The following PHLDB1 variants were observed in gnomAD, a reference collection of about 807,000 sequenced individuals.
The protein encoded by PHLDB1 is pleckstrin homology-like domain family B member 1.
Under a neutral mutation model 139.3 loss-of-function variants are expected in PHLDB1, and 65 were observed. That is an observed-to-expected ratio of 0.47 (90% CI 0.38 to 0.57). The LOEUF is 0.57. Ranked by LOEUF, PHLDB1 falls within the 20% of genes least tolerant of loss-of-function variation. PHLDB1 has a pLI of 0.00. For missense variants in PHLDB1, 1,624 were observed against 1,839.7 expected (o/e 0.88, Z 2.14); for synonymous variants, 679 against 734.5 (o/e 0.92, Z 1.22).
In PHLDB1 at chr11:118,650,116, G is replaced by C. The variant is rs782238476; in HGVS notation, c.3694G>C (p.Asp1232His). 3.7e-6 allele frequency: 6 copies of C among 1,614,226 alleles called. No individual in the cohort carries two copies. Among genetic ancestry groups the C allele is most frequent in the Non-Finnish European group, 4.2e-6 (5 of 1,180,024 alleles). The change falls in exon 19 of 23, where the codon GAC becomes CAC. Residue 1232 changes from aspartate to histidine, a missense_variant. By Grantham distance (81) the Asp-to-His change is moderately conservative (BLOSUM62 -1). Coordinates refer to ENST00000600882, the MANE Select transcript of PHLDB1 (RefSeq NM_001144758.3). This position sits in a 1 kb window ranked among gnomAD's most constrained non-coding sequence, Gnocchi z 4.7. The part of the protein sequence containing the change: ...LTRYLPIRKE[D>H]FDLKTHIESS... ...CCGCTACCTGCCAATCCGGAAGGAGGACTTTGACCTGAAGACACATATTGA... is the reference window on the plus strand; with the variant it reads ...CCGCTACCTGCCAATCCGGAAGGAGCACTTTGACCTGAAGACACATATTGA...
chr11:118,632,042 T>A lies in PHLDB1; in HGVS notation c.2230T>A (p.Ser744Thr), dbSNP rs1191203235. The A allele has an allele frequency of 6.2e-7, 1 of 1,613,412 alleles. No homozygotes were observed. The highest frequency in any genetic ancestry group is 1.3e-5 in the African/African-American group (1 of 74,764). ...VKELEQQLQE[S>T]AREAEMERAL... ...GGAGCTAGAGCAGCAGCTGCAGGAGTCAGCCCGAGAGGTGAGCCGTGAAGT... is the reference window on the plus strand; with the variant it reads ...GGAGCTAGAGCAGCAGCTGCAGGAGACAGCCCGAGAGGTGAGCCGTGAAGT... The change falls in exon 8 of 23, where the codon TCA becomes ACA. Residue 744 changes from serine (S) to threonine (T), a missense_variant. Coordinates refer to ENST00000600882, the MANE Select transcript of PHLDB1 (RefSeq NM_001144758.3). The surrounding 1 kb of genome is among the most constrained non-coding windows in gnomAD (Gnocchi z 5.9).
intron 4 of PHLDB1, among the ~76,000 whole-genome samples, chr11:118,618,532 A>G (rs1470813705): frequency 4.6e-5 from 7 of 151,870 alleles, no homozygotes; most frequent in Non-Finnish European, 8.8e-5. Context: ...TGGGCTTACG[A>G]ATCCTGTGTT....
chr11:118,639,291 G>A (rs377214181), intron 12 of PHLDB1, 40 bp downstream of exon 12: 12 of 1,491,202 alleles, frequency 8.0e-6, no homozygotes, highest in East Asian at 2.3e-5. Flanking sequence ...GGCCCAAGGC[G>A]TGTCCTGGGA....
intron 1 of PHLDB1, among the ~76,000 whole-genome samples, chr11:118,609,153 G>A (rs1939658790): frequency 8.1e-6 from 1 of 123,968 alleles, no homozygotes; most frequent in South Asian, 2.7e-4. Flanking sequence ...ACACAGCCCA[G>A]CTCACACAAG....
rs782681090 is a variant in PHLDB1 at position 118,642,383 on chromosome 11, C to T, written c.2866C>T (p.Arg956Cys). ...SPPPLPAKAS[R>C]QLQVYRSKMD... The stretch of plus-strand genomic sequence containing the variant: ...CCCGCCTCTGCCCGCCAAAGCTTCC[C>T]GTCAGCTGCAGGTAACCCCTCCTTC... The change falls in exon 13 of 23, where the codon CGT becomes TGT. Residue 956 changes from arginine (R) to cysteine (C), a missense_variant. Coordinates refer to ENST00000600882, the MANE Select transcript of PHLDB1 (RefSeq NM_001144758.3). 61 of 1,608,912 alleles carry T rather than the reference C, an allele frequency of 3.8e-5. 1 individual carries two copies. In the Admixed American group the frequency reaches 5.7e-4, roughly 15 times the overall value.
rs200686731 is a variant in PHLDB1 at position 118,628,088 on chromosome 11, G to A, written c.1265G>A (p.Arg422His). The change falls in exon 6 of 23, where the codon CGC (arginine) becomes CAC (histidine). Residue 422 changes from arginine to histidine, a missense_variant. Physicochemically the swap from Arg to His is conservative, Grantham distance 29. Coordinates refer to ENST00000600882, the MANE Select transcript of PHLDB1 (RefSeq NM_001144758.3). ...CGGGTGCTAACAACCAGCCCCTCACGCCAACTGGTGGGCCGAACATTTTCA... is the reference window on the plus strand; with the variant it reads ...CGGGTGCTAACAACCAGCCCCTCACACCAACTGGTGGGCCGAACATTTTCA... Reference protein sequence around the residue: ...SERVLTTSPSRQLVGRTFSDG... With the variant: ...SERVLTTSPSHQLVGRTFSDG... 3.8e-4 allele frequency: 621 copies of A among 1,613,822 alleles called. 2 individuals are homozygous for A. The Middle Eastern group carries it at 6.9e-3, about 18-fold the overall frequency.
In PHLDB1 at chr11:118,631,217, G is replaced by A. The variant is rs782083907; in HGVS notation, c.1838G>A (p.Arg613His). ...GTCCATCCTCCCCAGGAACGCCAGC[G>A]CCTGGAGACCATCCTGAACCTGTGT... The part of the protein sequence containing the change: ...EQEMERLERQ[R>H]LETILNLCAE... Residue 613 changes from arginine to histidine, a missense_variant, in exon 7 of 23, where the codon CGC becomes CAC. Coordinates refer to ENST00000600882, the MANE Select transcript of PHLDB1 (RefSeq NM_001144758.3). The A allele has an allele frequency of 4.2e-6, 6 of 1,423,908 alleles. No homozygotes were observed. The highest frequency in any genetic ancestry group is 2.7e-5 in the East Asian group (1 of 37,004). 88.2% of individuals were successfully genotyped at this position (1,423,908 alleles called of 1,614,324 possible). A position where few individuals can be genotyped will look rare whatever the true frequency, so the allele number is the denominator to read the frequency against.
chr11:118,629,455 G>C (rs182646809), intron 6 of PHLDB1, among the ~76,000 whole-genome samples: 2 of 152,242 alleles, frequency 1.3e-5, no homozygotes, highest in Non-Finnish European at 2.9e-5. Flanking sequence ...TGTGTACACA[G>C]TCGAGCCCAT....
intron 5 of PHLDB1, among the ~76,000 whole-genome samples, chr11:118,625,602 G>T (rs568312797): frequency 2.0e-5 from 3 of 152,204 alleles, no homozygotes; most frequent in Non-Finnish European, 4.4e-5. Flanking sequence ...AGCTGCACAG[G>T]GGGGCAGGAG....
chr11:118,623,750 T>C (rs1235347444), intron 4 of PHLDB1, among the ~76,000 whole-genome samples: 1 of 152,136 alleles, frequency 6.6e-6, no homozygotes, highest in Admixed American at 6.5e-5. Flanking sequence ...CAGTTTTTTT[T>C]TGTGACCCTG....
chr11:118,647,905 G>T (rs781917783), intron 17 of PHLDB1, 25 bp from the exon 18 acceptor site: 6 of 1,553,166 alleles, frequency 3.9e-6, no homozygotes, highest in Non-Finnish European at 5.2e-6. Context: ...GGCCATAGGT[G>T]CTGACCCCTT....
At chr11:118,609,979 C>T (rs564585493) in intron 1 of PHLDB1, among the ~76,000 whole-genome samples, 1 of 152,090 alleles carries the variant, frequency 6.6e-6, no homozygotes, top group Non-Finnish European at 1.5e-5. Context: ...TTTGGGGTCC[C>T]GGTGGGCCCC....
intron 6 of PHLDB1, 123 bp from the exon 7 acceptor site, chr11:118,631,084 G>C: frequency 1.2e-6 from 1 of 854,890 alleles, no homozygotes; most frequent in Non-Finnish European, 1.6e-6. Flanking sequence ...CTCCTGACTT[G>C]ACACTGATGT....
chr11:118,614,978 C>T (rs1191393097), intron 3 of PHLDB1: 6 of 323,954 alleles, frequency 1.9e-5, no homozygotes, highest in African/African-American at 4.3e-5. Context: ...AGGCGGATCA[C>T]GAGGTCAGGA....
At chr11:118,625,602 G>C (rs568312797) in intron 5 of PHLDB1, among the ~76,000 whole-genome samples, 5 of 152,204 alleles carry the variant, frequency 3.3e-5, no homozygotes, top group African/African-American at 1.2e-4. Flanking sequence ...AGCTGCACAG[G>C]GGGGCAGGAG....
chr11:118,644,763 T>A (rs1947192076), intron 15 of PHLDB1: 1 of 1,034,004 alleles, frequency 9.7e-7, no homozygotes, highest in South Asian at 1.4e-5. Flanking sequence ...TGATGTGTCC[T>A]GCCCAGGTCC....
At chr11:118,612,457 C>T (rs1591437951) in intron 1 of PHLDB1, among the ~76,000 whole-genome samples, 1 of 152,292 alleles carries the variant, frequency 6.6e-6, no homozygotes, top group African/African-American at 2.4e-5. Flanking sequence ...AATCTTTGTC[C>T]TTGGAAATTC....
In PHLDB1 at chr11:118,655,546, A is replaced by C. The variant is rs919589965; in HGVS notation, c.3875-59A>C. On this transcript the variant is annotated intron_variant, in intron 20 of 22. Coordinates refer to ENST00000600882, the MANE Select transcript of PHLDB1 (RefSeq NM_001144758.3). ...AAGCTCAGGCCATGGAGCTCCACGT[A>C]AATGGAGCTAGACCTGAAGTGTGAC... 9.3e-6 allele frequency: 10 copies of C among 1,074,086 alleles called. No homozygotes were observed. The Admixed American group carries it at 1.0e-4, about 11-fold the overall frequency. The allele number at this position is 1,074,086 out of a possible 1,614,324, so 66.5% of individuals were successfully genotyped here.
intron 5 of PHLDB1, among the ~76,000 whole-genome samples, chr11:118,625,716 C>G (rs1001875170): frequency 3.3e-5 from 5 of 152,140 alleles, no homozygotes; most frequent in Non-Finnish European, 7.3e-5. Context: ...ACATGGATGT[C>G]AGGTACACCT....
Sources: allele counts gnomAD v4.1 joint callset (sites outside exome capture counted in the v4.1 genomes callset), GRCh38; gene constraint gnomAD v4.1.1; non-coding constraint Gnocchi (gnomAD v3.1); transcripts MANE v1.5; gene names NCBI Gene and HGNC (gene_info 2026-07-23, HGNC 2026-07-21).